Variants in COBL observed in about 807,000 individuals in gnomAD.
COBL encodes cordon-bleu WH2 repeat protein, also known as protein cordon-bleu.
COBL carries 51 observed loss-of-function variants against 98.8 expected under a neutral mutation model. That is an observed-to-expected ratio of 0.52 (90% CI 0.41 to 0.65). COBL has a LOEUF of 0.65. Ranked by LOEUF, COBL falls within the 30% of genes least tolerant of loss-of-function variation. The pLI is 0.00. For synonymous variants in COBL, 634 were observed against 651.7 expected (o/e 0.97, Z 0.41); for missense variants, 1,617 against 1,617.5 (o/e 1.00, Z 0.01).
intron 3 of COBL, among the ~76,000 whole-genome samples, chr7:51,192,522 C>T (rs987141701): frequency 6.6e-6 from 1 of 152,148 alleles, no homozygotes; most frequent in Non-Finnish European, 1.5e-5. Context: ...AGAAGAACTG[C>T]TTGAACCTGG....
At chr7:51,274,783 G>C (rs1031373346) in intron 1 of COBL, among the ~76,000 whole-genome samples, 1 of 152,146 alleles carries the variant, frequency 6.6e-6, no homozygotes, top group Non-Finnish European at 1.5e-5. Context: ...AAACAACAGT[G>C]TAAGTATTAA....
intron 5 of COBL, among the ~76,000 whole-genome samples, chr7:51,143,303 A>C (rs1315112836): frequency 6.6e-6 from 1 of 152,208 alleles, no homozygotes; most frequent in Non-Finnish European, 1.5e-5. Flanking sequence ...ATGAGGTTCC[A>C]ACTTATAAAA....
At chr7:51,251,728 C>G in intron 1 of COBL, among the ~76,000 whole-genome samples, 1 of 152,170 alleles carries the variant, frequency 6.6e-6, no homozygotes. Flanking sequence ...CAATATCTGT[C>G]AGATTGAACA....
chr7:51,264,902 T>A (rs1332091531), intron 1 of COBL, among the ~76,000 whole-genome samples: 1 of 152,084 alleles, frequency 6.6e-6, no homozygotes. Flanking sequence ...ATAGGAAATA[T>A]CCCATAACTG....
At chr7:51,207,043 A>G (rs566204647) in intron 2 of COBL, among the ~76,000 whole-genome samples, 2 of 152,310 alleles carry the variant, frequency 1.3e-5, no homozygotes, top group South Asian at 4.1e-4. Flanking sequence ...ACATACACAC[A>G]CAAGTCTGTA....
intron 8 of COBL, chr7:51,031,209 C>A (rs1291951860): frequency 3.2e-6 from 1 of 309,414 alleles, no homozygotes; most frequent in Non-Finnish European, 5.9e-6. Context: ...CAAAGTGTTA[C>A]AGTAACCAAA....
At chr7:51,065,126 AAAAC>A (rs1477265928) in intron 7 of COBL, 1 of 695,648 alleles carries the variant, frequency 1.4e-6, no homozygotes, top group African/African-American at 1.8e-5. Context: ...AGGATAGAAA[AAAAC>A]AAGTGTTAGC....
At chr7:51,112,106 A>G (rs1583833868) in intron 6 of COBL, among the ~76,000 whole-genome samples, 4 of 152,230 alleles carry the variant, frequency 2.6e-5, no homozygotes, top group African/African-American at 4.8e-5. Context: ...TCCCACACAC[A>G]TAACAGTCAA....
At chr7:51,303,411 C>A (rs1161616021) in intron 1 of COBL, among the ~76,000 whole-genome samples, 1 of 152,084 alleles carries the variant, frequency 6.6e-6, no homozygotes, top group Admixed American at 6.5e-5. Flanking sequence ...ACCAGCAATC[C>A]GGTCTCTGTG....
At chr7:51,252,178 C>T (rs1001148) in intron 1 of COBL, among the ~76,000 whole-genome samples, 105,609 of 152,026 alleles carry the variant, frequency 0.69, 37,578 homozygotes, top group East Asian at 0.84. Flanking sequence ...TTTCATGACA[C>T]TGGCTTTTTA....
chr7:51,232,735 T>C (rs1487990121), intron 1 of COBL, among the ~76,000 whole-genome samples: 1 of 151,898 alleles, frequency 6.6e-6, no homozygotes, highest in South Asian at 2.1e-4. Flanking sequence ...TGCTTGAACC[T>C]GGGAGACGGA....
chr7:51,202,519 C>T (rs1791229130), intron 2 of COBL, among the ~76,000 whole-genome samples: 2 of 152,130 alleles, frequency 1.3e-5, no homozygotes, highest in African/African-American at 4.8e-5. Flanking sequence ...TGGTTTCAAG[C>T]ATCCACCAGA....
intron 3 of COBL, among the ~76,000 whole-genome samples, chr7:51,192,631 A>G (rs891418922): frequency 6.6e-6 from 1 of 152,226 alleles, no homozygotes; most frequent in South Asian, 2.1e-4. Context: ...AAAAACAATA[A>G]AAGTATATAA....
In COBL at chr7:51,111,672, G is replaced by A. The variant is rs201973420; in HGVS notation, c.957+24486C>T. ...GAAAAGAAACAGCTGCCTCTCCCCC[G>A]TGCCTGGGCCCCTGCATGCTCCTTG... On this transcript the variant is annotated intron_variant, in intron 6 of 12. Coordinates refer to ENST00000265136, the MANE Select transcript of COBL (RefSeq NM_015198.5). Among the ~76,000 whole-genome samples the A allele has an allele frequency of 1.1e-3, 170 of 151,794 alleles. 1 individual carries two copies. Among genetic ancestry groups the A allele is most frequent in the African/African-American group, 3.9e-3 (162 of 41,102 alleles).
At chr7:51,305,797 G>C (rs1194359423) in intron 1 of COBL, among the ~76,000 whole-genome samples, 1 of 103,042 alleles carries the variant, frequency 9.7e-6, no homozygotes, top group Non-Finnish European at 2.0e-5. Flanking sequence ...CCCTTTGGGA[G>C]GCCAAGGCGG....
At chr7:51,245,812 A>G (rs904683843) in intron 1 of COBL, among the ~76,000 whole-genome samples, 2 of 152,226 alleles carry the variant, frequency 1.3e-5, no homozygotes, top group African/African-American at 4.8e-5. Flanking sequence ...CGCAAACCAT[A>G]TGGCACTATT....
At chr7:51,170,369 T>C (rs1336292245) in intron 5 of COBL, among the ~76,000 whole-genome samples, 2 of 151,832 alleles carry the variant, frequency 1.3e-5, no homozygotes, top group South Asian at 4.1e-4. Flanking sequence ...ACTGTAATTA[T>C]AAAGGTGCTA....
intron 5 of COBL, among the ~76,000 whole-genome samples, chr7:51,180,083 T>C (rs543890176): frequency 6.6e-6 from 1 of 152,370 alleles, no homozygotes; most frequent in African/African-American, 2.4e-5. Context: ...TGTATTTTCA[T>C]TTTATGGCAA....
chr7:51,157,824 TGAGG>T (rs1786339418), intron 5 of COBL, among the ~76,000 whole-genome samples: 2 of 152,182 alleles, frequency 1.3e-5, no homozygotes, highest in Non-Finnish European at 2.9e-5. Flanking sequence ...TATAAGTATG[TGAGG>T]TCATGGATAT....
Sources: allele counts gnomAD v4.1 joint callset (sites outside exome capture counted in the v4.1 genomes callset), GRCh38; gene constraint gnomAD v4.1.1; transcripts MANE v1.5; gene names NCBI Gene and HGNC (gene_info 2026-07-23, HGNC 2026-07-21).